DISC1: variants seen among roughly 807,000 people sequenced by gnomAD.
DISC1 encodes DISC1 scaffold protein, also known as disrupted in schizophrenia 1 protein.
A neutral mutation model predicts 84.5 loss-of-function variants in DISC1; 57 were observed. The ratio of observed to expected loss-of-function variants is 0.67; its 90% confidence interval spans 0.55 to 0.84. The LOEUF (loss-of-function observed/expected upper bound fraction) is 0.84. Ranked by LOEUF, DISC1 falls within the 40% of genes least tolerant of loss-of-function variation. The pLI, the probability that DISC1 is intolerant of heterozygous loss-of-function variation, is 0.00. For missense variants in DISC1, 1,000 were observed against 1,057.8 expected (o/e 0.95, Z 0.76); for synonymous variants, 411 against 415.2 (o/e 0.99, Z 0.12).
chr1:231,874,789 T>C (rs2085741142), intron 9 of DISC1, among the ~76,000 whole-genome samples: 1 of 151,548 alleles, frequency 6.6e-6, no homozygotes, highest in Non-Finnish European at 1.5e-5. Flanking sequence ...CGGGTGCCTG[T>C]AATCCCAGCT....
chr1:231,733,840 A>G (rs2072052576), intron 3 of DISC1, among the ~76,000 whole-genome samples: 1 of 144,554 alleles, frequency 6.9e-6, no homozygotes, highest in Admixed American at 6.9e-5. Flanking sequence ...AGTTATGGTG[A>G]TGATGGTAGT....
At chr1:231,882,884 A>G (rs931325548) in intron 9 of DISC1, among the ~76,000 whole-genome samples, 3 of 151,958 alleles carry the variant, frequency 2.0e-5, no homozygotes, top group Non-Finnish European at 2.9e-5. Context: ...AGGGATGTCT[A>G]TGACACGCAG....
chr1:231,755,614 G>A (rs953259476), intron 4 of DISC1, among the ~76,000 whole-genome samples: 1 of 151,830 alleles, frequency 6.6e-6, no homozygotes, highest in African/African-American at 2.4e-5. Context: ...CTTTTACTAA[G>A]TTTGCTATCT....
At chr1:231,840,461 C>A (rs1247202573) in intron 9 of DISC1, among the ~76,000 whole-genome samples, 1 of 152,146 alleles carries the variant, frequency 6.6e-6, no homozygotes, top group Admixed American at 6.5e-5. Context: ...TAGTGGAACA[C>A]GACTCAGTAA....
intron 9 of DISC1, among the ~76,000 whole-genome samples, chr1:231,835,512 C>A (rs963777878): frequency 2.6e-5 from 4 of 152,144 alleles, no homozygotes; most frequent in African/African-American, 9.7e-5. Context: ...ATAATGTCAT[C>A]AGTTAAGGCA....
chr1:231,759,552 C>CA (rs1359575315), intron 4 of DISC1, among the ~76,000 whole-genome samples: 141 of 64,380 alleles, frequency 2.2e-3, no homozygotes, highest in Middle Eastern at 0.022. Flanking sequence ...AAAAAAAAAA[C>CA]AAAACTAGCC....
intron 8 of DISC1, among the ~76,000 whole-genome samples, chr1:231,805,651 C>G (rs965266807): frequency 6.6e-6 from 1 of 152,080 alleles, no homozygotes; most frequent in Non-Finnish European, 1.5e-5. Context: ...GAAACTGCCC[C>G]TATGATCCAA....
At chr1:231,633,325 G>C (rs2058899940) in intron 1 of DISC1, among the ~76,000 whole-genome samples, 1 of 152,182 alleles carries the variant, frequency 6.6e-6, no homozygotes, top group African/African-American at 2.4e-5. Context: ...GAAAGGCAGA[G>C]AGCATTTTGT....
At chr1:231,988,815 T>C (rs1196311574) in intron 10 of DISC1, among the ~76,000 whole-genome samples, 2 of 152,238 alleles carry the variant, frequency 1.3e-5, no homozygotes, top group East Asian at 3.8e-4. Context: ...ACAATTTGTA[T>C]ATAATTTCAA....
rs953135505 is a variant in DISC1 at position 231,954,832 on chromosome 1, C to T, written c.1982-3996C>T. 3.3e-5 allele frequency among the ~76,000 whole-genome samples: 5 copies of T among 152,186 alleles called. No individual in the cohort carries two copies. Among genetic ancestry groups the T allele is most frequent in the Admixed American group, 6.5e-5 (1 of 15,282 alleles). On this transcript the variant is annotated intron_variant, in intron 9 of 12. Coordinates refer to ENST00000439617, the MANE Select transcript of DISC1 (RefSeq NM_018662.3). This position sits in a 1 kb window ranked among gnomAD's most constrained non-coding sequence, Gnocchi z 4.8. ...GCCTGTCTTGAAGGTTGTGAGTCAA[C>T]TTAGTGAATACATGCAAGGTACTTT...
At chr1:232,029,465 A>C (rs1468484715) in intron 12 of DISC1, among the ~76,000 whole-genome samples, 1 of 152,240 alleles carries the variant, frequency 6.6e-6, no homozygotes, top group Non-Finnish European at 1.5e-5. Flanking sequence ...AGGCTGCCAG[A>C]ATCCTCCAGC....
At chr1:231,788,008 C>T (rs1010642190) in intron 6 of DISC1, among the ~76,000 whole-genome samples, 3 of 152,188 alleles carry the variant, frequency 2.0e-5, no homozygotes, top group African/African-American at 4.8e-5. Context: ...ATCAGCCGGG[C>T]GCAGTGGCTC....
At chr1:231,818,001 G>A (rs1050460581) in intron 8 of DISC1, among the ~76,000 whole-genome samples, 1 of 152,096 alleles carries the variant, frequency 6.6e-6, no homozygotes, top group Non-Finnish European at 1.5e-5. Context: ...TATATTATTG[G>A]AATGGAGTGA....
chr1:231,900,197 A>G (rs2088041307), intron 9 of DISC1, among the ~76,000 whole-genome samples: 2 of 152,160 alleles, frequency 1.3e-5, no homozygotes, highest in Non-Finnish European at 2.9e-5. Flanking sequence ...GCAACAGGAG[A>G]TCGCTATTAT....
chr1:231,702,034 A>G lies in DISC1; in HGVS notation c.1117+10A>G, dbSNP rs769390805. On this transcript the variant is annotated intron_variant, in intron 3 of 12. Transcript: ENST00000439617. ...GATGATTATGATAAAGGTGAGTTTT[A>G]ATTTGTTTATTGATTGTTTTGTCAT... 15 of 1,600,592 alleles carry G rather than the reference A, an allele frequency of 9.4e-6. No homozygotes were observed. The East Asian group carries it at 3.4e-4, about 36-fold the overall frequency.
At chr1:231,886,688 G>T (rs1266712117) in intron 9 of DISC1, among the ~76,000 whole-genome samples, 1 of 152,186 alleles carries the variant, frequency 6.6e-6, no homozygotes, top group African/African-American at 2.4e-5. Flanking sequence ...ACAGGAGGAA[G>T]ACATTGGGTA....
At chr1:231,690,074 A>T (rs1387279280) in intron 1 of DISC1, among the ~76,000 whole-genome samples, 1 of 152,196 alleles carries the variant, frequency 6.6e-6, no homozygotes, top group Non-Finnish European at 1.5e-5. Context: ...CTTCTAAGCT[A>T]GGTAAACATA....
At chr1:231,879,234 A>G (rs1475119300) in intron 9 of DISC1, among the ~76,000 whole-genome samples, 3 of 152,054 alleles carry the variant, frequency 2.0e-5, no homozygotes, top group African/African-American at 2.4e-5. Flanking sequence ...AAATTTTGGA[A>G]CGTTTCAGAT....
intron 9 of DISC1, among the ~76,000 whole-genome samples, chr1:231,943,083 C>G (rs1471212681): frequency 6.6e-6 from 1 of 152,228 alleles, no homozygotes; most frequent in Non-Finnish European, 1.5e-5. Flanking sequence ...TGATACAGCC[C>G]AAGGCCCCTA....
Sources: allele counts gnomAD v4.1 joint callset (sites outside exome capture counted in the v4.1 genomes callset), GRCh38; gene constraint gnomAD v4.1.1; non-coding constraint Gnocchi (gnomAD v3.1); transcripts MANE v1.5; gene names NCBI Gene and HGNC (gene_info 2026-07-23, HGNC 2026-07-21).